TMEM108: variants seen among roughly 807,000 people sequenced by gnomAD.
TMEM108 encodes transmembrane protein 108.
A neutral mutation model predicts 35.1 loss-of-function variants in TMEM108; 12 were observed. The observed-to-expected ratio is 0.34, with a 90% CI of 0.22 to 0.55. TMEM108 has a LOEUF of 0.55. TMEM108 is among the 20% of genes least tolerant of loss of function. TMEM108 has a pLI of 0.89. For synonymous variants in TMEM108, 287 were observed against 308.6 expected (o/e 0.93, Z 0.73); for missense variants, 680 against 753.3 (o/e 0.90, Z 1.14).
intron 2 of TMEM108, among the ~76,000 whole-genome samples, chr3:133,227,406 G>T (rs1371672805): frequency 2.0e-5 from 3 of 148,390 alleles, no homozygotes; most frequent in African/African-American, 7.4e-5. Flanking sequence ...TGTTAGCCAG[G>T]ATGGTCTCGA....
chr3:133,203,720 C>A (rs1022487888), intron 2 of TMEM108, among the ~76,000 whole-genome samples: 1 of 152,074 alleles, frequency 6.6e-6, no homozygotes, highest in African/African-American at 2.4e-5. Context: ...AGGATTTTCG[C>A]GTTGACCTTC....
intron 2 of TMEM108, among the ~76,000 whole-genome samples, chr3:133,086,159 C>A (rs4582059): frequency 6.6e-6 from 1 of 152,032 alleles, no homozygotes; most frequent in Non-Finnish European, 1.5e-5. Flanking sequence ...CCTTTGTGGC[C>A]TTTTCTGCTT....
chr3:133,326,901 T>C (rs2071340001), intron 3 of TMEM108, among the ~76,000 whole-genome samples: 1 of 152,218 alleles, frequency 6.6e-6, no homozygotes, highest in East Asian at 1.9e-4. Context: ...CACAGTATAG[T>C]TGGGGCATGA....
intron 2 of TMEM108, among the ~76,000 whole-genome samples, chr3:133,091,028 T>C (rs1943941238): frequency 1.3e-5 from 2 of 152,296 alleles, no homozygotes; most frequent in South Asian, 4.1e-4. Context: ...GTTAAATATA[T>C]ACATTTTTAA....
chr3:133,141,694 T>A (rs909116872), intron 2 of TMEM108, among the ~76,000 whole-genome samples: 6 of 152,188 alleles, frequency 3.9e-5, no homozygotes, highest in Non-Finnish European at 8.8e-5. Context: ...CAGTCCCTGC[T>A]GCTGGCACAA....
intron 2 of TMEM108, among the ~76,000 whole-genome samples, chr3:133,207,731 A>G (rs1945778641): frequency 6.6e-6 from 1 of 152,174 alleles, no homozygotes; most frequent in Non-Finnish European, 1.5e-5. Flanking sequence ...TCATGTTTTA[A>G]TGCTCCCCTC....
chr3:133,101,783 C>G (rs1443745383), intron 2 of TMEM108, among the ~76,000 whole-genome samples: 4 of 152,218 alleles, frequency 2.6e-5, no homozygotes, highest in Non-Finnish European at 5.9e-5. Context: ...TGTGGTTCCA[C>G]CATTGAAATC....
intron 3 of TMEM108, among the ~76,000 whole-genome samples, chr3:133,353,053 C>G (rs2072053665): frequency 6.6e-6 from 1 of 152,112 alleles, no homozygotes; most frequent in South Asian, 2.1e-4. Context: ...GCCAAGAAAC[C>G]AGGCAGAGAC....
intron 2 of TMEM108, among the ~76,000 whole-genome samples, chr3:133,160,422 CA>C (rs1318782132): frequency 6.6e-6 from 1 of 152,176 alleles, no homozygotes; most frequent in Non-Finnish European, 1.5e-5. Context: ...TGTCAGGAAC[CA>C]GACAAGGCCT....
At chr3:133,205,404 G>A (rs899741741) in intron 2 of TMEM108, among the ~76,000 whole-genome samples, 1 of 152,106 alleles carries the variant, frequency 6.6e-6, no homozygotes. Flanking sequence ...GGAGTGGATG[G>A]TCTTTATAAT....
At chr3:133,121,287 A>G (rs567710824) in intron 2 of TMEM108, among the ~76,000 whole-genome samples, 1 of 152,330 alleles carries the variant, frequency 6.6e-6, no homozygotes, top group African/African-American at 2.4e-5. Flanking sequence ...TTATAATAGA[A>G]CATGTTTCAT....
intron 2 of TMEM108, among the ~76,000 whole-genome samples, chr3:133,180,370 A>G (rs547443295): frequency 2.6e-5 from 4 of 152,278 alleles, no homozygotes; most frequent in African/African-American, 9.6e-5. Flanking sequence ...CTGACAGTTA[A>G]GTCCTTTTTT....
chr3:133,324,332 AAC>A (rs2107721982), intron 3 of TMEM108, among the ~76,000 whole-genome samples: 1 of 152,330 alleles, frequency 6.6e-6, no homozygotes, highest in South Asian at 2.1e-4. Flanking sequence ...GCAAGAAAAA[AAC>A]AATCCCATCA....
intron 2 of TMEM108, among the ~76,000 whole-genome samples, chr3:133,100,552 C>T (rs1388452664): frequency 6.6e-6 from 1 of 152,156 alleles, no homozygotes; most frequent in Non-Finnish European, 1.5e-5. Context: ...CTGAAGTGAG[C>T]CATCATCATG....
chr3:133,326,599 A>C (rs1329937025), intron 3 of TMEM108, among the ~76,000 whole-genome samples: 1 of 152,158 alleles, frequency 6.6e-6, no homozygotes, highest in East Asian at 1.9e-4. Flanking sequence ...AAGACCCAAC[A>C]ATGAATCGAT....
At chr3:133,116,608 C>T (rs1310684076) in intron 2 of TMEM108, among the ~76,000 whole-genome samples, 3 of 152,094 alleles carry the variant, frequency 2.0e-5, no homozygotes, top group Non-Finnish European at 2.9e-5. Flanking sequence ...AGACACTCTC[C>T]CCTCAAGGCA....
At chr3:133,116,836 C>T (rs377218156) in intron 2 of TMEM108, among the ~76,000 whole-genome samples, 1 of 152,152 alleles carries the variant, frequency 6.6e-6, no homozygotes, top group East Asian at 1.9e-4. Flanking sequence ...AGCGCAATGG[C>T]GTGATCTCTG....
At chr3:133,342,555 TACACAC>T in intron 3 of TMEM108, among the ~76,000 whole-genome samples, 1 of 63,424 alleles carries the variant, frequency 1.6e-5, no homozygotes, top group South Asian at 5.8e-4. Context: ...TATATATATA[TACACAC>T]ACACACACAA....
chr3:133,253,268 T>C (rs1173849827), intron 3 of TMEM108: 2 of 152,168 alleles, frequency 1.3e-5, no homozygotes, highest in Non-Finnish European at 2.9e-5. Flanking sequence ...TCAGAAAAGA[T>C]AGATTCTAAT....
Sources: gnomAD v4.1 joint callset for allele counts (sites outside exome capture counted in the v4.1 genomes callset) on GRCh38, gnomAD v4.1.1 for gene constraint, MANE v1.5 for transcripts, NCBI Gene and HGNC (gene_info 2026-07-23, HGNC 2026-07-21) for gene names.